The following TOR1AIP2 variants were observed in gnomAD, a reference collection of about 807,000 sequenced individuals.
TOR1AIP2 encodes the protein torsin-1A-interacting protein 2.
TOR1AIP2 carries 20 observed loss-of-function variants against 32.6 expected under a neutral mutation model. The ratio of observed to expected loss-of-function variants is 0.61; its 90% CI spans 0.43 to 0.89. The LOEUF (loss-of-function observed/expected upper bound fraction) is 0.89, where lower values mean the gene tolerates loss of function less well. TOR1AIP2 is among the 40% of genes least tolerant of loss of function. The probability of loss-of-function intolerance (pLI) is 0.00; values close to 1 mark genes in which losing one functional copy is unlikely to be tolerated. For missense variants in TOR1AIP2, 456 were observed against 553.8 expected, an observed-to-expected ratio of 0.82 and a Z score of 1.77; for synonymous variants, 214 against 210.8, an observed-to-expected ratio of 1.02 and a Z score of -0.13.
intron 3 of TOR1AIP2, among the ~76,000 whole-genome samples, chr1:179,856,060 G>A (rs1046892018): frequency 1.3e-5 from 2 of 152,070 alleles, no homozygotes; most frequent in African/African-American, 4.8e-5. Context: ...GTGCATACCT[G>A]TAGTCCCAGC....
chr1:179,873,983 A>C (rs1359405661), intron 2 of TOR1AIP2: 1 of 152,166 alleles, frequency 6.6e-6, no homozygotes, highest in Non-Finnish European at 1.5e-5. Context: ...TCCCGCACTA[A>C]ATCAGCCACT....
In TOR1AIP2 at chr1:179,846,572, T is replaced by C; in HGVS notation, c.912A>G (p.Gly304=). Residue 304 remains glycine, a synonymous_variant, in exon 7 of 7, where the codon GGA becomes GGG. Transcript: ENST00000609928. ...ATIIFTAARE[G]RETLKCLSHH... ...GGCTCAGGCACTTCAGGGTCTCTCT[T>C]CCCTCCCGAGCTGCTGTAAATATGA... is the stretch of plus-strand genomic sequence containing the variant. 1.2e-6 allele frequency: 2 copies of C among 1,614,114 alleles called. No homozygotes were observed. Among genetic ancestry groups the C allele is most frequent in the East Asian group, 4.5e-5 (2 of 44,886 alleles).
chr1:179,866,703 G>C (rs1696793494), intron 2 of TOR1AIP2, among the ~76,000 whole-genome samples: 1 of 152,146 alleles, frequency 6.6e-6, no homozygotes, highest in Non-Finnish European at 1.5e-5. Context: ...CCGTGCCCGG[G>C]TGCCCACCAC....
Position 179,843,636 on chromosome 1 carries a change from A to C in TOR1AIP2, c.*2435T>G, listed in dbSNP as rs1180527399. On this transcript the variant is annotated 3_prime_UTR_variant, in exon 7 of 7. Coordinates refer to ENST00000609928, the MANE Select transcript of TOR1AIP2 (RefSeq NM_001199260.2). ...CAGGAGTTCAAGACCAGCCTAGGCA[A>C]CACAGTAAGACCCTGTCTCTATACA... 2 of 152,208 alleles carry C rather than the reference A, an allele frequency of 1.3e-5. No individual in the cohort carries two copies. The highest frequency in any genetic ancestry group is 4.8e-5 in the African/African-American group (2 of 41,366). The allele number at this position is 152,208 out of a possible 1,614,324, so 9.4% of individuals were successfully genotyped here.
rs778071698 is a variant in TOR1AIP2, at chr1:179,846,177, T to C, written c.1307A>G (p.Asn436Ser). The part of the protein sequence containing the change: ...FTNSDTPTSF[N>S]HMDSDKLSGL... ...ACTCAATTTGTCTGAGTCCATGTGG[T>C]TGAAGGAGGTGGGAGTGTCAGAGTT... The change falls in exon 7 of 7, where the codon AAC becomes AGC. Residue 436 changes from asparagine to serine, a missense_variant. Transcript: ENST00000609928. The C allele has an allele frequency of 4.3e-6, 7 of 1,614,152 alleles. No homozygotes were observed. Among genetic ancestry groups the C allele is most frequent in the South Asian group, 3.3e-5 (3 of 91,080 alleles).
chr1:179,852,548 A>T, intron 4 of TOR1AIP2, 84 bp downstream of exon 4: 1 of 1,446,288 alleles, frequency 6.9e-7, no homozygotes, highest in East Asian at 2.3e-5. Context: ...AAAACCTCAG[A>T]TTTTAGTCAT....
At chr1:179,856,771 G>T (rs1571671919) in intron 3 of TOR1AIP2, among the ~76,000 whole-genome samples, 1 of 152,072 alleles carries the variant, frequency 6.6e-6, no homozygotes, top group Non-Finnish European at 1.5e-5. Flanking sequence ...GCACCACCGT[G>T]CCCAGCTAAT....
intron 3 of TOR1AIP2, chr1:179,859,444 A>G: frequency 2.0e-6 from 2 of 985,444 alleles, no homozygotes; most frequent in Non-Finnish European, 2.4e-6. Context: ...AAAAGCTTGT[A>G]TTAAGCATAC....
Position 179,840,517 on chromosome 1 carries a change from G to A in TOR1AIP2, c.*5554C>T, listed in dbSNP as rs1368678313. The A allele has an allele frequency of 6.6e-6, 1 of 152,178 alleles. No individual in the cohort carries two copies. The highest frequency in any genetic ancestry group is 1.5e-5 in the Non-Finnish European group (1 of 68,050). The allele number at this position is 152,178 out of a possible 1,614,324, so 9.4% of individuals were successfully genotyped here. A position where few individuals can be genotyped will look rare whatever the true frequency, so the allele number is the denominator to read the frequency against. ...CAAGACATCACAGCAAGCGGGCACA[G>A]ATAATGCAGATAATACTGGAAGGAA... On this transcript the variant is annotated 3_prime_UTR_variant, in exon 7 of 7. Coordinates refer to ENST00000609928, the MANE Select transcript of TOR1AIP2 (RefSeq NM_001199260.2).
At chr1:179,852,567 TTC>T in intron 4 of TOR1AIP2, 63 bp downstream of exon 4, 1 of 1,552,434 alleles carries the variant, frequency 6.4e-7, no homozygotes, top group Non-Finnish European at 8.9e-7. Flanking sequence ...ATCAGAGATT[TTC>T]TCTCTCTGCA....
intron 3 of TOR1AIP2, chr1:179,862,494 T>C (rs1696582122): frequency 1.0e-6 from 1 of 985,420 alleles, no homozygotes; most frequent in African/African-American, 1.7e-5. Flanking sequence ...ACCTCCATTG[T>C]AAGAGACATA....
intron 3 of TOR1AIP2, among the ~76,000 whole-genome samples, chr1:179,857,190 C>T (rs1188223141): frequency 2.0e-5 from 3 of 152,164 alleles, no homozygotes; most frequent in South Asian, 4.1e-4. Flanking sequence ...AGTTCAATTA[C>T]GAAATGTTGG....
At chr1:179,859,825 A>G (rs1696449240) in intron 3 of TOR1AIP2, 6 of 985,064 alleles carry the variant, frequency 6.1e-6, no homozygotes, top group South Asian at 4.7e-5. Flanking sequence ...AGATTTAAGA[A>G]GTTTTTTGTT....
chr1:179,860,395 T>C lies in TOR1AIP2; in HGVS notation c.-147+5041A>G, dbSNP rs1458783294. 3.4e-6 allele frequency: 3 copies of C among 879,012 alleles called. No individual in the cohort carries two copies. In the African/African-American group the frequency reaches 5.5e-5, roughly 16 times the overall value. The allele number at this position is 879,012 out of a possible 1,614,324, so 54.5% of individuals were successfully genotyped here. A position where few individuals can be genotyped will look rare whatever the true frequency, so the allele number is the denominator to read the frequency against. On this transcript the variant is annotated intron_variant, in intron 3 of 6. Transcript: ENST00000609928. The stretch of plus-strand genomic sequence containing the variant: ...TACTTAGGGGGCTGAAGTGGGAGGA[T>C]CACTTGAGCCCAGAAGGTCAAGGCT...
At chr1:179,856,733 C>T (rs1696317767) in intron 3 of TOR1AIP2, among the ~76,000 whole-genome samples, 2 of 152,192 alleles carry the variant, frequency 1.3e-5, no homozygotes. Flanking sequence ...TCTCGTGCCT[C>T]AGCCTTCATA....
At chr1:179,869,781 C>A (rs1028644509) in intron 2 of TOR1AIP2, among the ~76,000 whole-genome samples, 2 of 151,984 alleles carry the variant, frequency 1.3e-5, no homozygotes, top group African/African-American at 4.8e-5. Context: ...TCACATGACG[C>A]CTTTGTACAA....
chr1:179,862,447 A>G, intron 3 of TOR1AIP2: 1 of 985,412 alleles, frequency 1.0e-6, no homozygotes, highest in South Asian at 4.7e-5. Context: ...TCAATTTAGC[A>G]GTTCACATAG....
chr1:179,865,064 A>G (rs1696713568), intron 3 of TOR1AIP2: 1 of 1,614,056 alleles, frequency 6.2e-7, no homozygotes, highest in East Asian at 2.2e-5. Flanking sequence ...GTCTAAGAAT[A>G]CCTGGTAACA....
intron 3 of TOR1AIP2, chr1:179,863,664 AT>A: frequency 1.1e-6 from 1 of 923,102 alleles, no homozygotes; most frequent in Non-Finnish European, 1.2e-6. Flanking sequence ...CTCTGTCACT[AT>A]TTTTTAAAAA....
Sources: allele counts gnomAD v4.1 joint callset (sites outside exome capture counted in the v4.1 genomes callset), GRCh38; gene constraint gnomAD v4.1.1; transcripts MANE v1.5; gene names NCBI Gene and HGNC (gene_info 2026-07-23, HGNC 2026-07-21).